ZMYM2: variants seen among roughly 807,000 people sequenced by gnomAD.
ZMYM2 encodes zinc finger MYM-type protein 2.
A neutral mutation model predicts 162.8 loss-of-function variants in ZMYM2; 56 were observed. That is an observed-to-expected ratio of 0.34 (90% CI 0.28 to 0.43). The LOEUF is 0.43. ZMYM2 is among the 20% of genes least tolerant of loss of function. ZMYM2 has a pLI of 1.00. For missense variants in ZMYM2, 1,275 were observed against 1,621.8 expected (o/e 0.79, Z 3.67); for synonymous variants, 510 against 541.6 (o/e 0.94, Z 0.81).
chr13:20,046,949 ATGT>A (rs1954885860), intron 12 of ZMYM2, among the ~76,000 whole-genome samples: 1 of 152,142 alleles, frequency 6.6e-6, no homozygotes, highest in South Asian at 2.1e-4. Flanking sequence ...TCATCTAGTT[ATGT>A]TTAATGTCAG....
chr13:19,880,400 A>G, the ZMYM2 span, among the ~76,000 whole-genome samples: 6 of 151,430 alleles, frequency 4.0e-5, no homozygotes, highest in Non-Finnish European at 7.4e-5. Flanking sequence ...ATTCCTATAT[A>G]TTTATTCTTT....
At chr13:19,991,216 T>A (rs1949596429) in intron 2 of ZMYM2, among the ~76,000 whole-genome samples, 1 of 151,576 alleles carries the variant, frequency 6.6e-6, no homozygotes, top group Admixed American at 6.6e-5. Flanking sequence ...TGGGCTCAAG[T>A]GATCTTCCTG....
intron 12 of ZMYM2, among the ~76,000 whole-genome samples, chr13:20,043,436 G>A (rs911869923): frequency 6.6e-6 from 1 of 152,188 alleles, no homozygotes; most frequent in Non-Finnish European, 1.5e-5. Context: ...TGCCACAGTG[G>A]TGGATGCAAT....
chr13:20,050,824 T>C (rs1157222728), intron 12 of ZMYM2, among the ~76,000 whole-genome samples: 1 of 152,100 alleles, frequency 6.6e-6, no homozygotes, highest in East Asian at 1.9e-4. Flanking sequence ...TTCCTAGATG[T>C]GGGTCAAATT....
chr13:19,967,107 C>T (rs1262500544), intron 2 of ZMYM2, among the ~76,000 whole-genome samples: 5 of 152,156 alleles, frequency 3.3e-5, no homozygotes, highest in Non-Finnish European at 7.3e-5. Context: ...TGTTTTCATT[C>T]AGTCTTCCTC....
the ZMYM2 span, among the ~76,000 whole-genome samples, chr13:19,924,664 C>A: frequency 6.6e-6 from 1 of 152,194 alleles, no homozygotes; most frequent in Admixed American, 6.6e-5. Context: ...AGGCTGAATA[C>A]CATTCCATTG....
At chr13:20,030,687 C>A (rs956790594) in intron 9 of ZMYM2, among the ~76,000 whole-genome samples, 3 of 152,028 alleles carry the variant, frequency 2.0e-5, no homozygotes, top group African/African-American at 7.2e-5. Context: ...CATGAGCCAC[C>A]ACGCCTGGCC....
At chr13:19,936,089 A>C in the ZMYM2 span, among the ~76,000 whole-genome samples, 1 of 152,208 alleles carries the variant, frequency 6.6e-6, no homozygotes, top group Non-Finnish European at 1.5e-5. Flanking sequence ...TGAAAATCTT[A>C]GTCTCTCCTA....
the ZMYM2 span, among the ~76,000 whole-genome samples, chr13:19,886,283 G>A: frequency 6.8e-6 from 1 of 147,094 alleles, no homozygotes; most frequent in Admixed American, 7.0e-5. Context: ...TCCTGCCTCA[G>A]CCTCCCAAGT....
At chr13:19,986,275 A>G (rs1193964075) in intron 2 of ZMYM2, among the ~76,000 whole-genome samples, 1 of 152,100 alleles carries the variant, frequency 6.6e-6, no homozygotes, top group Non-Finnish European at 1.5e-5. Context: ...GCACACACCT[A>G]TAGTCCTAGC....
At chr13:20,074,196 TTGTGTGTGTGTGTGTGTGTGTGTGTG>T (rs59855358) in intron 21 of ZMYM2, among the ~76,000 whole-genome samples, 3 of 141,502 alleles carry the variant, frequency 2.1e-5, no homozygotes, top group African/African-American at 5.3e-5. Flanking sequence ...ATGTCAGAAT[TTGTGTGTGTGTGTGTGTGTGTGTGTG>T]TGTGTGTGTG....
At chr13:20,058,475 T>TC in intron 14 of ZMYM2, 100 bp from the exon 15 acceptor site, 1 of 1,405,984 alleles carries the variant, frequency 7.1e-7, no homozygotes. Context: ...TCTTCTGCTT[T>TC]TGTGTGTTCC....
intron 9 of ZMYM2, among the ~76,000 whole-genome samples, chr13:20,031,032 C>T (rs1159084837): frequency 6.6e-6 from 1 of 152,060 alleles, no homozygotes; most frequent in African/African-American, 2.4e-5. Context: ...CTTACTGTTA[C>T]TTCCTTACAT....
the ZMYM2 span, among the ~76,000 whole-genome samples, chr13:19,931,289 C>T: frequency 6.6e-6 from 1 of 151,952 alleles, no homozygotes; most frequent in Non-Finnish European, 1.5e-5. Flanking sequence ...TTTTTCCCCC[C>T]ATCATCTTCA....
chr13:19,899,816 CAAAA>C, the ZMYM2 span, among the ~76,000 whole-genome samples: 114 of 64,982 alleles, frequency 1.8e-3, no homozygotes, highest in South Asian at 5.6e-3. Context: ...GACTCTGACT[CAAAA>C]AAAAAAAAAA....
At position 20,067,031 on chromosome 13, in the gene ZMYM2, A is replaced by C; in HGVS notation, c.3301+12A>C. ...TGAGTTAAAATCTTGTAAGTGTTTTAATTTTGTTTCTCCTAAGTCCTATTT... is the reference window on the plus strand; with the variant it reads ...TGAGTTAAAATCTTGTAAGTGTTTTCATTTTGTTTCTCCTAAGTCCTATTT... On this transcript the variant is annotated intron_variant, in intron 20 of 24. Coordinates refer to ENST00000610343, the MANE Select transcript of ZMYM2 (RefSeq NM_197968.4). 6.3e-7 allele frequency: 1 copy of C among 1,586,068 alleles called. No homozygotes were observed. Among genetic ancestry groups the C allele is most frequent in the Non-Finnish European group, 8.6e-7 (1 of 1,168,738 alleles).
At chr13:19,924,343 C>T in the ZMYM2 span, among the ~76,000 whole-genome samples, 2 of 152,124 alleles carry the variant, frequency 1.3e-5, no homozygotes, top group Non-Finnish European at 2.9e-5. Context: ...GCAGGTGGAT[C>T]GCTTGAGCCC....
At chr13:19,914,097 G>A in the ZMYM2 span, among the ~76,000 whole-genome samples, 2,098 of 152,302 alleles carry the variant, frequency 0.014, 34 homozygotes, top group Non-Finnish European at 0.023. Flanking sequence ...TTCCTGGGCC[G>A]TGGCCAGTGG....
the ZMYM2 span, among the ~76,000 whole-genome samples, chr13:19,924,878 CTT>C: frequency 2.0e-4 from 28 of 136,698 alleles, no homozygotes; most frequent in Admixed American, 3.0e-4. Context: ...TTTATTGAAA[CTT>C]TTTTTTTTTT....
Sources: allele counts gnomAD v4.1 joint callset (sites outside exome capture counted in the v4.1 genomes callset), GRCh38; gene constraint gnomAD v4.1.1; transcripts MANE v1.5; gene names NCBI Gene and HGNC (gene_info 2026-07-23, HGNC 2026-07-21).